The following WNT11 variants were observed in gnomAD, a reference collection of about 807,000 sequenced individuals.
The protein encoded by WNT11 is protein Wnt-11.
In WNT11, 20 loss-of-function variants were observed where a neutral mutation model predicts 35.6. The ratio of observed to expected loss-of-function variants is 0.56; its 90% CI spans 0.40 to 0.82. The LOEUF is 0.82. Among genes scored for constraint, WNT11 ranks in the 40% least tolerant of loss-of-function variants. The probability of loss-of-function intolerance (pLI) is 0.00; values close to 1 mark genes in which losing one functional copy is unlikely to be tolerated. For missense variants in WNT11, 459 were observed against 504.4 expected (o/e 0.91, Z 0.86); for synonymous variants, 200 against 211.9 (o/e 0.94, Z 0.49).
intron 1 of WNT11, 46 bp from the exon 2 acceptor site, chr11:76,196,764 T>C: frequency 6.5e-7 from 1 of 1,530,644 alleles, no homozygotes; most frequent in Non-Finnish European, 8.8e-7. Context: ...AGAGACAGGG[T>C]TGTCAGGGGC....
At chr11:76,193,409 G>A (rs573784248) in intron 3 of WNT11, among the ~76,000 whole-genome samples, 12 of 151,370 alleles carry the variant, frequency 7.9e-5, no homozygotes, top group African/African-American at 2.9e-4. Flanking sequence ...GATGGTGGGC[G>A]TGGCCATGGT....
chr11:76,192,273 C>T (rs1953197543), intron 3 of WNT11, among the ~76,000 whole-genome samples: 1 of 152,212 alleles, frequency 6.6e-6, no homozygotes, highest in South Asian at 2.1e-4. Context: ...GAACCCAGAT[C>T]TGAGGCTGAT....
Position 76,191,644 on chromosome 11 carries a change from G to A in WNT11, c.810C>T (p.Asp270=), listed in dbSNP as rs777732636. Residue 270 remains aspartate (D), a synonymous_variant, in exon 4 of 5, where the codon GAC becomes GAT. Coordinates refer to ENST00000322563, the MANE Select transcript of WNT11 (RefSeq NM_004626.3). ...PKDLDIRPVK[D]SELVYLQSSP... Reference sequence around the variant, plus strand: ...AGCTCTGCAGATAGACGAGTTCCGAGTCCTTCACAGGCCGGATATCCAGGT... The same window carrying A: ...AGCTCTGCAGATAGACGAGTTCCGAATCCTTCACAGGCCGGATATCCAGGT... 6.2e-7 allele frequency: 1 copy of A among 1,614,062 alleles called. No homozygotes were observed. Among genetic ancestry groups the A allele is most frequent in the South Asian group, 1.1e-5 (1 of 91,084 alleles).
At chr11:76,195,592 T>C (rs11236651) in intron 2 of WNT11, among the ~76,000 whole-genome samples, 29,483 of 152,124 alleles carry the variant, frequency 0.19, 3,128 homozygotes, top group Middle Eastern at 0.27. Flanking sequence ...TTTGAGACAA[T>C]ACACATCTGT....
At chr11:76,193,939 G>A (rs1953229056) in intron 3 of WNT11, among the ~76,000 whole-genome samples, 1 of 152,172 alleles carries the variant, frequency 6.6e-6, no homozygotes, top group Middle Eastern at 3.2e-3. Context: ...CACAGTGTCT[G>A]CAACACAGAT....
chr11:76,207,712 G>C (rs977329565), upstream of WNT11, among the ~76,000 whole-genome samples: 4 of 152,214 alleles, frequency 2.6e-5, no homozygotes, highest in African/African-American at 4.8e-5. Flanking sequence ...TTAGCGAAGC[G>C]GGGAAGCTCG....
At chr11:76,205,967 G>A (rs886334253) in intron 1 of WNT11, among the ~76,000 whole-genome samples, 57 of 152,268 alleles carry the variant, frequency 3.7e-4, no homozygotes, top group African/African-American at 7.2e-5. Context: ...GAGACTGACG[G>A]ACAAGGACCG....
rs772496816 is a variant in WNT11 at position 76,187,094 on chromosome 11, G to T, written c.1036C>A (p.Arg346Ser). The T allele has an allele frequency of 2.5e-6, 4 of 1,611,632 alleles. No individual in the cohort carries two copies. The African/African-American group carries it at 5.3e-5, about 22-fold the overall frequency. ...TTGCAGACATAGCGCTCCACGGTAC[G>T]CTCACACCTGCGGCAGGTGACGTAG... The part of the protein sequence containing the change: ...CCYVTCRRCE[R>S]TVERYVCK Residue 346 changes from arginine to serine, a missense_variant, in exon 5 of 5, where the codon CGT becomes AGT. Physicochemically the swap from Arg to Ser is moderately radical, Grantham distance 110. Transcript: ENST00000322563.
chr11:76,196,139 G>C lies in WNT11; in HGVS notation c.319+344C>G, dbSNP rs11236652. Among the ~76,000 whole-genome samples, 5 of 152,324 alleles carry C rather than the reference G, an allele frequency of 3.3e-5. No individual in the cohort carries two copies. The South Asian group carries it at 8.3e-4, about 25-fold the overall frequency. On this transcript the variant is annotated intron_variant, in intron 2 of 4. Coordinates refer to ENST00000322563, the MANE Select transcript of WNT11 (RefSeq NM_004626.3). ...TTGTTTCTAGACTCCCCTCCCAGGA[G>C]CCTCCCTGACATGTGGCCTCACGTA...
chr11:76,188,635 A>T (rs962905591), intron 4 of WNT11, among the ~76,000 whole-genome samples: 2 of 152,238 alleles, frequency 1.3e-5, no homozygotes, highest in Non-Finnish European at 2.9e-5. Flanking sequence ...CAAGATGGGA[A>T]AGTCCTAGAG....
At chr11:76,201,430 G>A (rs1953375870) in intron 1 of WNT11, among the ~76,000 whole-genome samples, 1 of 152,220 alleles carries the variant, frequency 6.6e-6, no homozygotes, top group Admixed American at 6.5e-5. Flanking sequence ...CCCTTGGGGA[G>A]GTAATCAAGG....
intron 1 of WNT11, among the ~76,000 whole-genome samples, chr11:76,199,841 C>T (rs1953347618): frequency 6.6e-6 from 1 of 152,112 alleles, no homozygotes; most frequent in Admixed American, 6.6e-5. Context: ...AAGTCCCCCG[C>T]TTGTTGCCCA....
At chr11:76,198,012 C>T (rs1953315647) in intron 1 of WNT11, among the ~76,000 whole-genome samples, 1 of 152,198 alleles carries the variant, frequency 6.6e-6, no homozygotes, top group African/African-American at 2.4e-5. Flanking sequence ...GCCAGAAGTG[C>T]TGAGTGCCCC....
upstream of WNT11, among the ~76,000 whole-genome samples, chr11:76,209,603 C>T (rs1953529377): frequency 6.6e-6 from 1 of 152,088 alleles, no homozygotes; most frequent in Admixed American, 6.5e-5. Flanking sequence ...CCGGGCCTGC[C>T]ACCCGGCTTT....
At chr11:76,206,290 T>C (rs1879633) in intron 1 of WNT11, 35 bp downstream of exon 1, 1,102,613 of 1,465,192 alleles carry the variant, frequency 0.75, 416,778 homozygotes, top group East Asian at 0.99. Flanking sequence ...CCCCAGTCCC[T>C]GGCCTGTGCG....
chr11:76,192,693 C>T (rs1953205056), intron 3 of WNT11, among the ~76,000 whole-genome samples: 1 of 152,242 alleles, frequency 6.6e-6, no homozygotes, highest in African/African-American at 2.4e-5. Flanking sequence ...TGGGGAGACT[C>T]TTGCCCTGGC....
upstream of WNT11, chr11:76,206,681 G>T: frequency 6.7e-6 from 4 of 596,724 alleles, no homozygotes; most frequent in Non-Finnish European, 9.2e-6. Flanking sequence ...GGCCGAAGGC[G>T]TGTCTCCCAG....
intron 2 of WNT11, 125 bp downstream of exon 2, chr11:76,196,358 C>T (rs779743638): frequency 9.0e-7 from 1 of 1,107,094 alleles, no homozygotes. Context: ...ATCCACCCGT[C>T]ATTCATCCAT....
Position 76,187,232 on chromosome 11 carries a change from T to C in WNT11, c.898A>G (p.Asn300Asp). ...GSHGTQDRQC[N>D]KTSNGSDSCD... ...CTGTCGCTTCCGTTGGATGTCTTGTTGCACTGCCTATTGTGGGGGCAGGAA... is the reference window on the plus strand; with the variant it reads ...CTGTCGCTTCCGTTGGATGTCTTGTCGCACTGCCTATTGTGGGGGCAGGAA... Residue 300 changes from asparagine (N) to aspartate (D), a missense_variant, in exon 5 of 5, where the codon AAC becomes GAC. Coordinates refer to ENST00000322563, the MANE Select transcript of WNT11 (RefSeq NM_004626.3). 6.2e-7 allele frequency: 1 copy of C among 1,602,276 alleles called. No individual in the cohort carries two copies. Among genetic ancestry groups the C allele is most frequent in the East Asian group, 2.2e-5 (1 of 44,874 alleles).
Sources: gnomAD v4.1 joint callset for allele counts (sites outside exome capture counted in the v4.1 genomes callset) on GRCh38, gnomAD v4.1.1 for gene constraint, MANE v1.5 for transcripts, NCBI Gene and HGNC (gene_info 2026-07-23, HGNC 2026-07-21) for gene names.